COLGALT2: variants seen among roughly 807,000 people sequenced by gnomAD.
The protein encoded by COLGALT2 is procollagen galactosyltransferase 2.
In COLGALT2, 49 loss-of-function variants were observed where a neutral mutation model predicts 73.4. The ratio of observed to expected loss-of-function variants is 0.67; its 90% confidence interval spans 0.53 to 0.85. The LOEUF is 0.85. Among genes scored for constraint, COLGALT2 ranks in the 40% least tolerant of loss-of-function variants. The pLI is 0.00. For missense variants in COLGALT2, 722 were observed against 790.2 expected, an observed-to-expected ratio of 0.91 and a Z score of 1.03; for synonymous variants, 295 against 307.6, an observed-to-expected ratio of 0.96 and a Z score of 0.43.
At chr1:183,954,950 C>G (rs566632459) in intron 6 of COLGALT2, 112 bp from the exon 7 acceptor site, 1 of 805,466 alleles carries the variant, frequency 1.2e-6, no homozygotes, top group Non-Finnish European at 2.1e-6. Context: ...AAATACAGGG[C>G]AGGGGACAAT....
intron 2 of COLGALT2, among the ~76,000 whole-genome samples, chr1:183,978,068 T>C (rs1671254707): frequency 2.0e-5 from 3 of 152,064 alleles, no homozygotes; most frequent in African/African-American, 4.8e-5. Context: ...AAAAGCAAGC[T>C]CTATGTAGAA....
At chr1:183,988,435 T>C (rs1168197991) in intron 1 of COLGALT2, among the ~76,000 whole-genome samples, 1 of 152,186 alleles carries the variant, frequency 6.6e-6, no homozygotes, top group Non-Finnish European at 1.5e-5. Flanking sequence ...CCATCACCAT[T>C]ATCCAATTCC....
At chr1:183,954,012 A>G (rs2102798392) in intron 7 of COLGALT2, among the ~76,000 whole-genome samples, 1 of 152,142 alleles carries the variant, frequency 6.6e-6, no homozygotes, top group Admixed American at 6.5e-5. Context: ...CAGTTTGTGG[A>G]CTCCTGAGGC....
At chr1:184,005,275 TCTC>T (rs1416735919) in intron 1 of COLGALT2, among the ~76,000 whole-genome samples, 1 of 152,210 alleles carries the variant, frequency 6.6e-6, no homozygotes, top group East Asian at 1.9e-4. Context: ...AGCTTGGCTT[TCTC>T]CTTCACCTTC....
chr1:183,969,278 T>C lies in COLGALT2; in HGVS notation c.823A>G (p.Arg275Gly). 1 of 1,611,776 alleles carries C rather than the reference T, an allele frequency of 6.2e-7. No homozygotes were observed. The highest frequency in any genetic ancestry group is 8.5e-7 in the Non-Finnish European group (1 of 1,178,890). ...DDIIVFAFSS[R>G]QAGIQMYLCN... ...CAAAGACAAACAGTACCTGCTTGCC[T>C]GCTGGAGAAGGCAAAGACAATGATG... Residue 275 changes from arginine (R) to glycine (G), a missense_variant, in exon 5 of 12, where the codon AGG becomes GGG. Coordinates refer to ENST00000361927, the MANE Select transcript of COLGALT2 (RefSeq NM_015101.4).
At position 183,963,983 on chromosome 1, in the gene COLGALT2, G is replaced by A; in HGVS notation, c.870C>T (p.Gly290=). The A allele has an allele frequency of 6.2e-7, 1 of 1,613,570 alleles. No homozygotes were observed. The highest frequency in any genetic ancestry group is 8.5e-7 in the Non-Finnish European group (1 of 1,179,712). The change falls in exon 6 of 12, where the codon GGC becomes GGT. Residue 290 remains glycine (G), a synonymous_variant. Transcript: ENST00000361927. ...GGGGCTTCAGGGGGATGGGCAGGTA[G>A]CCATAGTGCTCTCTGTTGCAGAGGT... ...QMYLCNREHY[G]YLPIPLKPHQ...
intron 2 of COLGALT2, among the ~76,000 whole-genome samples, chr1:183,977,847 A>T (rs61824807): frequency 2.3e-5 from 3 of 128,820 alleles, no homozygotes; most frequent in South Asian, 2.7e-4. Context: ...AGAAGAGAAG[A>T]GAAGCGAAGA....
intron 6 of COLGALT2, among the ~76,000 whole-genome samples, chr1:183,956,091 C>A (rs1030939715): frequency 1.3e-5 from 2 of 152,224 alleles, no homozygotes; most frequent in African/African-American, 4.8e-5. Flanking sequence ...GACACCTGCT[C>A]TGCAGACTTG....
At chr1:183,991,437 AGT>A (rs1671625856) in intron 1 of COLGALT2, among the ~76,000 whole-genome samples, 1 of 152,200 alleles carries the variant, frequency 6.6e-6, no homozygotes, top group Non-Finnish European at 1.5e-5. Context: ...AAAGAGAAAA[AGT>A]ATAAATTTAC....
chr1:183,953,344 G>A (rs747300152), intron 7 of COLGALT2, among the ~76,000 whole-genome samples: 1 of 152,196 alleles, frequency 6.6e-6, no homozygotes, highest in Non-Finnish European at 1.5e-5. Context: ...GAGTCTCCGA[G>A]CCTGTGCCAC....
chr1:183,964,568 T>G (rs1033627481), intron 5 of COLGALT2: 1 of 152,716 alleles, frequency 6.5e-6, no homozygotes, highest in African/African-American at 2.4e-5. Context: ...AGGCATGGAT[T>G]TGGAGCCAAC....
Position 183,936,476 on chromosome 1 carries a change from T to C in COLGALT2, c.*2285A>G. 1 of 994,504 alleles carries C rather than the reference T, an allele frequency of 1.0e-6. No homozygotes were observed. Among genetic ancestry groups the C allele is most frequent in the Non-Finnish European group, 1.2e-6 (1 of 836,024 alleles). 61.6% of individuals were successfully genotyped at this position (994,504 alleles called of 1,614,324 possible). ...GCTAGAATTTAAGTCCAAAGTCTTT[T>C]AAGAATGAGAGTTCTTAAATCTGTC... On this transcript the variant is annotated 3_prime_UTR_variant, in exon 12 of 12. Transcript: ENST00000361927.
intron 1 of COLGALT2, among the ~76,000 whole-genome samples, chr1:184,003,669 G>C (rs1292593103): frequency 6.6e-6 from 1 of 152,116 alleles, no homozygotes; most frequent in Non-Finnish European, 1.5e-5. Flanking sequence ...TTGATACTAA[G>C]TTTGAGGTGG....
intron 1 of COLGALT2, among the ~76,000 whole-genome samples, chr1:184,004,502 T>C (rs969474431): frequency 2.0e-5 from 3 of 152,230 alleles, no homozygotes; most frequent in Non-Finnish European, 4.4e-5. Context: ...CTCTATTTCA[T>C]TTAATTTTAA....
At chr1:184,033,965 C>T (rs541466799) in intron 1 of COLGALT2, among the ~76,000 whole-genome samples, 1 of 152,344 alleles carries the variant, frequency 6.6e-6, no homozygotes, top group African/African-American at 2.4e-5. Flanking sequence ...TCAGCATGTG[C>T]TGGCTTTGCA....
chr1:183,978,668 T>C (rs1247939498), intron 1 of COLGALT2, 148 bp from the exon 2 acceptor site: 15 of 549,716 alleles, frequency 2.7e-5, no homozygotes, highest in Non-Finnish European at 4.8e-5. Context: ...TAGTCCAAAC[T>C]AGACAATAAA....
intron 1 of COLGALT2, among the ~76,000 whole-genome samples, chr1:184,029,541 C>T (rs1649441001): frequency 6.6e-6 from 1 of 152,170 alleles, no homozygotes; most frequent in Non-Finnish European, 1.5e-5. Context: ...GGACAAAATC[C>T]AGGGGACAGC....
intron 1 of COLGALT2, among the ~76,000 whole-genome samples, chr1:184,032,872 G>C (rs1318011300): frequency 6.6e-6 from 1 of 152,168 alleles, no homozygotes; most frequent in African/African-American, 2.4e-5. Context: ...TTAAAATGTG[G>C]AGATAAATTC....
At chr1:184,005,787 G>T (rs1229685821) in intron 1 of COLGALT2, among the ~76,000 whole-genome samples, 2 of 152,168 alleles carry the variant, frequency 1.3e-5, no homozygotes, top group Admixed American at 1.3e-4. Flanking sequence ...CACTGGGCCT[G>T]TCTCATGAGT....
Sources: gnomAD v4.1 joint callset for allele counts (sites outside exome capture counted in the v4.1 genomes callset) on GRCh38, gnomAD v4.1.1 for gene constraint, MANE v1.5 for transcripts, NCBI Gene and HGNC (gene_info 2026-07-23, HGNC 2026-07-21) for gene names.